The following RUNDC1 variants were observed in gnomAD, a reference collection of about 807,000 sequenced individuals.
RUNDC1 encodes the protein RUN domain-containing protein 1.
A neutral mutation model predicts 49.3 loss-of-function variants in RUNDC1; 31 were observed. The observed-to-expected ratio is 0.63, with a 90% confidence interval of 0.47 to 0.85. The LOEUF (loss-of-function observed/expected upper bound fraction) is 0.85, where lower values mean the gene tolerates loss of function less well. RUNDC1 is among the 40% of genes least tolerant of loss of function. The probability of loss-of-function intolerance (pLI) is 0.00; values close to 1 mark genes in which losing one functional copy is unlikely to be tolerated. For synonymous variants in RUNDC1, 347 were observed against 348.6 expected, an observed-to-expected ratio of 1.00 and a Z score of 0.05; for missense variants, 715 against 806.7, an observed-to-expected ratio of 0.89 and a Z score of 1.38.
intron 1 of RUNDC1, chr17:42,981,333 G>C (rs2050083528): frequency 4.0e-6 from 2 of 502,652 alleles, no homozygotes; most frequent in East Asian, 7.2e-5. Context: ...GTAGAGGAGC[G>C]GTGAGCGAAG....
intron 1 of RUNDC1, among the ~76,000 whole-genome samples, chr17:42,985,288 C>T (rs1011483769): frequency 6.6e-6 from 1 of 152,294 alleles, no homozygotes; most frequent in Admixed American, 6.5e-5. Flanking sequence ...AAGTCAAAAC[C>T]TTTGTCCTTA....
At chr17:42,981,387 G>A in intron 1 of RUNDC1, 1 of 353,218 alleles carries the variant, frequency 2.8e-6, no homozygotes, top group Non-Finnish European at 5.2e-6. Context: ...GCAGTGCTGC[G>A]CCCACTCACC....
chr17:42,991,111 G>T lies in RUNDC1; in HGVS notation c.1237G>T (p.Asp413Tyr). Residue 413 changes from aspartate (D) to tyrosine (Y), a missense_variant, in exon 5 of 5, where the codon GAC (aspartate) becomes TAC (tyrosine). Around this residue, in one of 5 missense-constraint regions of RUNDC1, gnomAD observed 425 missense variants for 499.7 expected, o/e 0.85. Transcript: ENST00000361677. The stretch of plus-strand genomic sequence containing the variant: ...TGTCATCACCTCTGCCAACCTCCAG[G>T]ACCTCTCTCTGGGAGGCAAGGATGA... Reference protein sequence around the residue: ...DHVITSANLQDLSLGGKDELT... With the variant: ...DHVITSANLQYLSLGGKDELT... The T allele has an allele frequency of 6.2e-7, 1 of 1,614,208 alleles. No homozygotes were observed.
At chr17:42,984,489 C>T (rs1407528221) in intron 1 of RUNDC1, among the ~76,000 whole-genome samples, 2 of 152,146 alleles carry the variant, frequency 1.3e-5, no homozygotes, top group African/African-American at 2.4e-5. Context: ...CCATGTTGGC[C>T]AGGCTGGTCT....
Position 42,993,692 on chromosome 17 carries a change from C to G in RUNDC1, c.*1976C>G, listed in dbSNP as rs2050274467. 6.6e-6 allele frequency: 1 copy of G among 152,082 alleles called. No individual in the cohort carries two copies. The highest frequency in any genetic ancestry group is 6.6e-5 in the Admixed American group (1 of 15,254). The allele number at this position is 152,082 out of a possible 1,614,324, so 9.4% of individuals were successfully genotyped here. A position where few individuals can be genotyped will look rare whatever the true frequency, so the allele number is the denominator to read the frequency against. ...AGATCAATATTTTTTTGAAAACTGC[C>G]TGTATCCTCTGTCCTCTGTTACGGA... is the stretch of plus-strand genomic sequence containing the variant. On this transcript the variant is annotated 3_prime_UTR_variant, in exon 5 of 5. Transcript: ENST00000361677.
intron 1 of RUNDC1, among the ~76,000 whole-genome samples, chr17:42,985,995 T>C (rs1260112244): frequency 1.3e-5 from 2 of 152,126 alleles, no homozygotes; most frequent in African/African-American, 4.8e-5. Context: ...CTTTTACTCT[T>C]TTGTTTTTGG....
At position 42,990,875 on chromosome 17, in the gene RUNDC1, T is replaced by C. The variant is rs553638883; in HGVS notation, c.1001T>C (p.Val334Ala). ...SKTKAEDVKKVRETGLHLMRR... is the reference protein window; with the variant it reads ...SKTKAEDVKKARETGLHLMRR... ...GCAAAGGCAGAGGATGTGAAGAAAG[T>C]CCGGGAGACGGGGCTGCACCTGATG... Residue 334 changes from valine (V) to alanine (A), a missense_variant, in exon 5 of 5, where the codon GTC becomes GCC. By Grantham distance (64) the Val-to-Ala change is moderately conservative. Coordinates refer to ENST00000361677, the MANE Select transcript of RUNDC1 (RefSeq NM_173079.5). The C allele has an allele frequency of 1.2e-6, 2 of 1,600,062 alleles. No individual in the cohort carries two copies. The highest frequency in any genetic ancestry group is 4.5e-5 in the East Asian group (2 of 44,504).
Position 42,995,025 on chromosome 17 carries a change from C to A in RUNDC1, c.*3309C>A, listed in dbSNP as rs2050288627. On this transcript the variant is annotated 3_prime_UTR_variant, in exon 5 of 5. Transcript: ENST00000361677. ...AGCAACTGCCTGCCTAGACTAGATGCTAAAGAAAGAGAAAAGTAAACCTAC... is the reference window on the plus strand; with the variant it reads ...AGCAACTGCCTGCCTAGACTAGATGATAAAGAAAGAGAAAAGTAAACCTAC... 6.6e-6 allele frequency among the ~76,000 whole-genome samples: 1 copy of A among 152,148 alleles called. No individual in the cohort carries two copies. Among genetic ancestry groups the A allele is most frequent in the South Asian group, 2.1e-4 (1 of 4,828 alleles).
Position 42,980,782 on chromosome 17 carries a change from C to G in RUNDC1, c.206C>G (p.Pro69Arg). ...EATAEEPGAA[P>R]GSPPDSPGRT... ...ACGGCCGAGGAGCCTGGCGCGGCCC[C>G]GGGCTCCCCGCCGGATTCGCCGGGC... Residue 69 changes from proline (P) to arginine (R), a missense_variant, in exon 1 of 5, where the codon CCG (proline) becomes CGG (arginine). Around this residue, in one of 5 missense-constraint regions of RUNDC1, gnomAD observed 153 missense variants for 139.4 expected, o/e 1.10. Transcript: ENST00000361677. The G allele has an allele frequency of 7.0e-7, 1 of 1,429,810 alleles. No individual in the cohort carries two copies. 88.6% of individuals were successfully genotyped at this position (1,429,810 alleles called of 1,614,324 possible). A position where few individuals can be genotyped will look rare whatever the true frequency, so the allele number is the denominator to read the frequency against.
chr17:42,990,811 C>G, intron 4 of RUNDC1, 40 bp from the exon 5 acceptor site: 1 of 1,548,906 alleles, frequency 6.5e-7, no homozygotes, highest in Non-Finnish European at 8.7e-7. Context: ...TCTGTGCCAT[C>G]ATGGCCTCTC....
At position 42,994,168 on chromosome 17, in the gene RUNDC1, C is replaced by CTT. The variant is rs2050279991; in HGVS notation, c.*2455_*2456dup. 1.3e-5 allele frequency among the ~76,000 whole-genome samples: 2 copies of CTT among 152,226 alleles called. No individual in the cohort carries two copies. The highest frequency in any genetic ancestry group is 6.5e-5 in the Admixed American group (1 of 15,288). On this transcript the variant is annotated 3_prime_UTR_variant, in exon 5 of 5. Transcript: ENST00000361677. ...CCACCACACCCAGCCAGGATTGGCA[C>CTT]TTTTAAATCCACTTGTCTGGATATC...
chr17:42,988,512 C>T (rs1480303023), intron 2 of RUNDC1, among the ~76,000 whole-genome samples: 2 of 151,998 alleles, frequency 1.3e-5, no homozygotes, highest in African/African-American at 4.8e-5. Flanking sequence ...CTTGGCCTCC[C>T]GAAGTGCTGG....
rs1310595826 is a variant in RUNDC1 at position 42,982,803 on chromosome 17, G to A, written c.498+1729G>A. ...AGCCTGACCAACATGATGAAACCCC[G>A]TCTCTACTAAAAATACAAAAAAAAA... On this transcript the variant is annotated intron_variant, in intron 1 of 4. Transcript: ENST00000361677. 6.9e-5 allele frequency among the ~76,000 whole-genome samples: 9 copies of A among 130,730 alleles called. No homozygotes were observed. The East Asian group carries it at 9.0e-4, about 13-fold the overall frequency. The allele number at this position is 130,730 out of a possible 152,430, so 85.8% of individuals were successfully genotyped here.
rs1053527516 is a variant in RUNDC1 at position 42,993,676 on chromosome 17, T to C, written c.*1960T>C. The stretch of plus-strand genomic sequence containing the variant: ...TCAGCCCATCTGATCCAGATCAATA[T>C]TTTTTTGAAAACTGCCTGTATCCTC... On this transcript the variant is annotated 3_prime_UTR_variant, in exon 5 of 5. Coordinates refer to ENST00000361677, the MANE Select transcript of RUNDC1 (RefSeq NM_173079.5). 2.6e-5 allele frequency: 4 copies of C among 152,138 alleles called. No individual in the cohort carries two copies. The highest frequency in any genetic ancestry group is 6.6e-5 in the Admixed American group (1 of 15,262). The allele number at this position is 152,138 out of a possible 1,614,324, so 9.4% of individuals were successfully genotyped here.
intron 1 of RUNDC1, among the ~76,000 whole-genome samples, chr17:42,982,475 C>T (rs535508583): frequency 6.6e-6 from 1 of 152,252 alleles, no homozygotes; most frequent in Non-Finnish European, 1.5e-5. Context: ...ACACAAGGAG[C>T]AGCCACCTCA....
chr17:42,984,996 A>G (rs1388452769), intron 1 of RUNDC1, among the ~76,000 whole-genome samples: 1 of 145,524 alleles, frequency 6.9e-6, no homozygotes, highest in Admixed American at 7.4e-5. Context: ...CCTGGGTTCA[A>G]GCCATTCTCC....
At position 42,992,000 on chromosome 17, in the gene RUNDC1, G is replaced by A; in HGVS notation, c.*284G>A. On this transcript the variant is annotated 3_prime_UTR_variant, in exon 5 of 5. Transcript: ENST00000361677. ...GAGGCCGAGGCGGGCGGATCACAAGGTCAGGAGTTCGAGACCATCCTGTCT... is the reference window on the plus strand; with the variant it reads ...GAGGCCGAGGCGGGCGGATCACAAGATCAGGAGTTCGAGACCATCCTGTCT... 2.7e-6 allele frequency: 1 copy of A among 374,124 alleles called. No individual in the cohort carries two copies. The highest frequency in any genetic ancestry group is 2.6e-5 in the South Asian group (1 of 38,260). The allele number at this position is 374,124 out of a possible 1,614,324, so 23.2% of individuals were successfully genotyped here.
At position 42,994,505 on chromosome 17, in the gene RUNDC1, A is replaced by G. The variant is rs775835635; in HGVS notation, c.*2789A>G. ...AGCCCACAGTCTATCTTTTCACTTC[A>G]TTGTATCATGTTGTTTCTAGATTTT... On this transcript the variant is annotated 3_prime_UTR_variant, in exon 5 of 5. Transcript: ENST00000361677. Among the ~76,000 whole-genome samples, 1 of 152,158 alleles carries G rather than the reference A, an allele frequency of 6.6e-6. No individual in the cohort carries two copies. Among genetic ancestry groups the G allele is most frequent in the Non-Finnish European group, 1.5e-5 (1 of 68,036 alleles).
intron 1 of RUNDC1, among the ~76,000 whole-genome samples, chr17:42,984,490 A>T (rs1287322436): frequency 6.6e-6 from 1 of 152,166 alleles, no homozygotes; most frequent in African/African-American, 2.4e-5. Context: ...CATGTTGGCC[A>T]GGCTGGTCTC....
Sources: allele counts gnomAD v4.1 joint callset (sites outside exome capture counted in the v4.1 genomes callset), GRCh38; gene constraint gnomAD v4.1.1; regional missense constraint gnomAD v4.1.1; transcripts MANE v1.5; gene names NCBI Gene and HGNC (gene_info 2026-07-23, HGNC 2026-07-21).